ZC3HAV1: variants seen among roughly 807,000 people sequenced by gnomAD.
The protein encoded by ZC3HAV1 is zinc finger CCCH-type containing, antiviral 1.
ZC3HAV1 carries 41 observed loss-of-function variants against 86.6 expected under a neutral mutation model. That is an observed-to-expected ratio of 0.47 (90% CI 0.37 to 0.61). The LOEUF is 0.61. Ranked by LOEUF, ZC3HAV1 falls within the 20% of genes least tolerant of loss-of-function variation. ZC3HAV1 has a pLI of 0.00. For missense variants in ZC3HAV1, 964 were observed against 1,141.1 expected, an observed-to-expected ratio of 0.84 and a Z score of 2.24; for synonymous variants, 421 against 432.1, an observed-to-expected ratio of 0.97 and a Z score of 0.32.
intron 1 of ZC3HAV1, among the ~76,000 whole-genome samples, chr7:139,105,190 G>A (rs560488939): frequency 3.3e-5 from 5 of 152,064 alleles, no homozygotes; most frequent in Non-Finnish European, 7.4e-5. Context: ...CTTCAGTCTG[G>A]GTGACAAAGC....
intron 7 of ZC3HAV1, among the ~76,000 whole-genome samples, chr7:139,067,566 A>G (rs1408745341): frequency 2.0e-5 from 3 of 152,184 alleles, no homozygotes; most frequent in African/African-American, 7.2e-5. Context: ...AGGATAGGGC[A>G]GGTTGGGAGG....
intron 1 of ZC3HAV1, among the ~76,000 whole-genome samples, chr7:139,094,577 TA>T (rs1344031309): frequency 2.6e-5 from 4 of 151,346 alleles, no homozygotes; most frequent in Non-Finnish European, 5.9e-5. Flanking sequence ...GCCAAAAGCC[TA>T]AAAACAAACG....
intron 9 of ZC3HAV1, among the ~76,000 whole-genome samples, chr7:139,057,087 C>A (rs28489997): frequency 6.8e-6 from 1 of 146,676 alleles, no homozygotes; most frequent in Non-Finnish European, 1.5e-5. Context: ...GGTGGCTCAT[C>A]CCTATAATCC....
At chr7:139,061,641 G>A (rs146855005) in intron 8 of ZC3HAV1, among the ~76,000 whole-genome samples, 20 of 152,292 alleles carry the variant, frequency 1.3e-4, no homozygotes, top group African/African-American at 2.4e-4. Context: ...AAACCACCAC[G>A]TTGGAAAACA....
At chr7:139,048,152 C>T (rs1477210944) in intron 12 of ZC3HAV1, among the ~76,000 whole-genome samples, 1 of 152,190 alleles carries the variant, frequency 6.6e-6, no homozygotes, top group Non-Finnish European at 1.5e-5. Flanking sequence ...CCAATTCATG[C>T]AATTCACCCA....
intron 7 of ZC3HAV1, among the ~76,000 whole-genome samples, chr7:139,067,543 A>T: frequency 6.6e-6 from 1 of 152,270 alleles, no homozygotes; most frequent in East Asian, 1.9e-4. Flanking sequence ...ATGACAGACA[A>T]TGGAGACTCA....
At chr7:139,107,695 C>G (rs960452149) in intron 1 of ZC3HAV1, among the ~76,000 whole-genome samples, 1 of 152,082 alleles carries the variant, frequency 6.6e-6, no homozygotes, top group African/African-American at 2.4e-5. Flanking sequence ...CCCAGCTACT[C>G]GGGAGGCTGA....
At chr7:139,066,966 T>C (rs1265753617) in intron 7 of ZC3HAV1, among the ~76,000 whole-genome samples, 2 of 152,270 alleles carry the variant, frequency 1.3e-5, no homozygotes, top group Middle Eastern at 3.4e-3. Context: ...TTAGATTCCA[T>C]ACTTCAGCCA....
Position 139,056,468 on chromosome 7 carries a change from G to T in ZC3HAV1, c.2097-1173C>A, listed in dbSNP as rs1816289160. Among the ~76,000 whole-genome samples the T allele has an allele frequency of 6.0e-5, 8 of 134,092 alleles. No individual in the cohort carries two copies. In the South Asian group the frequency reaches 1.7e-3, roughly 28 times the overall value. 88.0% of individuals were successfully genotyped at this position (134,092 alleles called of 152,430 possible). ...CTCTGTTGCCCAGGCTGAGTACAAT[G>T]GTGCAAAGACAGCTCAACCTCCTGG... On this transcript the variant is annotated intron_variant, in intron 9 of 12. Transcript: ENST00000242351.
intron 3 of ZC3HAV1, among the ~76,000 whole-genome samples, chr7:139,081,201 T>C (rs1349343969): frequency 6.6e-6 from 1 of 152,078 alleles, no homozygotes; most frequent in Non-Finnish European, 1.5e-5. Context: ...ATGTGGAAGA[T>C]GTGCATGTCT....
At position 139,046,050 on chromosome 7, in the gene ZC3HAV1, GA is replaced by G. The variant is rs1815947963; in HGVS notation, c.*1543del. 1 of 150,956 alleles carries G rather than the reference GA, an allele frequency of 6.6e-6. No homozygotes were observed. Among genetic ancestry groups the G allele is most frequent in the African/African-American group, 2.4e-5 (1 of 40,970 alleles). 9.4% of individuals were successfully genotyped at this position (150,956 alleles called of 1,614,324 possible). On this transcript the variant is annotated 3_prime_UTR_variant, in exon 13 of 13. Coordinates refer to ENST00000242351, the MANE Select transcript of ZC3HAV1 (RefSeq NM_020119.4). ...CTGACTTATAACTTGTCTGCTAAAA[GA>G]AATTATAACAGGAAACTTTGGTGAC...
chr7:139,085,850 G>A (rs1001336402), intron 2 of ZC3HAV1, among the ~76,000 whole-genome samples: 1 of 151,700 alleles, frequency 6.6e-6, no homozygotes, highest in Admixed American at 6.6e-5. Context: ...CCATCTCTAC[G>A]AAAAATACAA....
chr7:139,104,786 C>T (rs1355287945), intron 1 of ZC3HAV1, among the ~76,000 whole-genome samples: 1 of 149,164 alleles, frequency 6.7e-6, no homozygotes, highest in African/African-American at 2.5e-5. Flanking sequence ...GCCTGTAATC[C>T]TGCACTTTGG....
intron 7 of ZC3HAV1, among the ~76,000 whole-genome samples, chr7:139,069,935 G>A (rs1816720403): frequency 6.6e-6 from 1 of 152,140 alleles, no homozygotes. Flanking sequence ...GCTGGCTCAA[G>A]GCAGGTCACC....
At position 139,108,741 on chromosome 7, in the gene ZC3HAV1, G is replaced by T. The variant is rs1474401618; in HGVS notation, c.308+283C>A. ...TTTATTCTTCTGATTCGTGCGGGCG[G>T]GCGGGGAAAGGGGTGGAGGTTGAGC... On this transcript the variant is annotated intron_variant, in intron 1 of 12. Transcript: ENST00000242351. This position sits in a 1 kb window ranked among gnomAD's most constrained non-coding sequence, Gnocchi z 4.2. 6.6e-6 allele frequency among the ~76,000 whole-genome samples: 1 copy of T among 152,244 alleles called. No homozygotes were observed. Among genetic ancestry groups the T allele is most frequent in the Non-Finnish European group, 1.5e-5 (1 of 68,032 alleles).
chr7:139,078,692 T>C, intron 4 of ZC3HAV1, 39 bp from the exon 5 acceptor site: 1 of 1,446,606 alleles, frequency 6.9e-7, no homozygotes, highest in Non-Finnish European at 9.3e-7. Flanking sequence ...CTGATCTTAA[T>C]GTTTAAACCA....
rs1817593943 is a variant in ZC3HAV1, at chr7:139,096,568, A to T, written c.309-6809T>A. Among the ~76,000 whole-genome samples the T allele has an allele frequency of 2.0e-5, 3 of 152,302 alleles. No individual in the cohort carries two copies. In the South Asian group the frequency reaches 6.2e-4, roughly 32 times the overall value. ...GTTTGTGCTCAATAAATATTTATTG[A>T]CTTGGTACCTAGGATGCCAAAAGTT... On this transcript the variant is annotated intron_variant, in intron 1 of 12. Transcript: ENST00000242351.
At chr7:139,074,074 C>T (rs766183150) in intron 6 of ZC3HAV1, 44 bp from the exon 7 acceptor site, 9 of 1,560,540 alleles carry the variant, frequency 5.8e-6, no homozygotes, top group Middle Eastern at 1.7e-4. Flanking sequence ...TTCATTGACC[C>T]CTGTTTTCTA....
chr7:139,104,177 T>C (rs1439816708), intron 1 of ZC3HAV1, among the ~76,000 whole-genome samples: 1 of 152,136 alleles, frequency 6.6e-6, no homozygotes, highest in African/African-American at 2.4e-5. Flanking sequence ...TCTATTCAAC[T>C]TGCGAAACAG....
Sources: gnomAD v4.1 joint callset for allele counts (sites outside exome capture counted in the v4.1 genomes callset) on GRCh38, gnomAD v4.1.1 for gene constraint, Gnocchi (gnomAD v3.1) non-coding constraint, MANE v1.5 for transcripts, NCBI Gene and HGNC (gene_info 2026-07-23, HGNC 2026-07-21) for gene names.